RHOJ: variants seen among roughly 807,000 people sequenced by gnomAD.
RHOJ encodes ras homolog family member J, also known as rho-related GTP-binding protein RhoJ.
A neutral mutation model predicts 23.4 loss-of-function variants in RHOJ; 11 were observed. The ratio of observed to expected loss-of-function variants is 0.47; its 90% CI spans 0.30 to 0.78. RHOJ has a LOEUF of 0.78. Among genes scored for constraint, RHOJ ranks in the 30% least tolerant of loss-of-function variants. RHOJ has a pLI of 0.08. For missense variants in RHOJ, 254 were observed against 273.4 expected (o/e 0.93, Z 0.50); for synonymous variants, 102 against 102.7 (o/e 0.99, Z 0.04).
In RHOJ at chr14:63,204,948, G is replaced by C. The variant is rs890824438; in HGVS notation, c.79G>C (p.Val27Leu). Reference protein sequence around the residue: ...DEKKMLKCVVVGDGAVGKTCL... With the variant: ...DEKKMLKCVVLGDGAVGKTCL... ...GAAGAAGATGTTGAAGTGTGTGGTG[G>C]TGGGGGACGGTGCCGTGGGGAAAAC... Residue 27 changes from valine to leucine, a missense_variant, in exon 1 of 5, where the codon GTG becomes CTG. Physicochemically the swap from Val to Leu is conservative, Grantham distance 32 (BLOSUM62 1). Transcript: ENST00000316754. 21 of 1,614,120 alleles carry C rather than the reference G, an allele frequency of 1.3e-5. No homozygotes were observed. The Admixed American group carries it at 3.2e-4, about 24-fold the overall frequency.
rs138226386 is a variant in RHOJ at position 63,252,055 on chromosome 14, C to T, written c.179-17055C>T. Among the ~76,000 whole-genome samples the T allele has an allele frequency of 1.8e-4, 28 of 152,240 alleles. 1 individual carries two copies. The East Asian group carries it at 3.7e-3, about 20-fold the overall frequency. On this transcript the variant is annotated intron_variant, in intron 1 of 4. Coordinates refer to ENST00000316754, the MANE Select transcript of RHOJ (RefSeq NM_020663.5). ...GAGCCGAGATCACGCCACTGTACTCCAGCCTGGGCAACAGAGAGAAACTCT... is the reference window on the plus strand; with the variant it reads ...GAGCCGAGATCACGCCACTGTACTCTAGCCTGGGCAACAGAGAGAAACTCT...
At chr14:63,235,424 T>A (rs1894771590) in intron 1 of RHOJ, among the ~76,000 whole-genome samples, 1 of 152,168 alleles carries the variant, frequency 6.6e-6, no homozygotes. Flanking sequence ...AGTGCTACTG[T>A]GGTTATCTAA....
chr14:63,263,032 G>A (rs1449908188), intron 1 of RHOJ, among the ~76,000 whole-genome samples: 7 of 152,132 alleles, frequency 4.6e-5, no homozygotes, highest in African/African-American at 7.2e-5. Flanking sequence ...AATAACAGTC[G>A]TTTAGTACCC....
intron 2 of RHOJ, among the ~76,000 whole-genome samples, chr14:63,275,117 G>A (rs1372807120): frequency 6.6e-6 from 1 of 152,042 alleles, no homozygotes; most frequent in East Asian, 1.9e-4. Flanking sequence ...ATAAGAATTT[G>A]CACTTTAGCC....
chr14:63,272,485 C>T (rs1187541975), intron 2 of RHOJ, among the ~76,000 whole-genome samples: 5 of 152,140 alleles, frequency 3.3e-5, no homozygotes, highest in South Asian at 2.1e-4. Context: ...GATTTTTGTG[C>T]GTGAATAAAC....
chr14:63,282,286 GCACACACACACACACACACACACA>G (rs36227581), intron 3 of RHOJ, among the ~76,000 whole-genome samples: 11 of 133,296 alleles, frequency 8.3e-5, no homozygotes, highest in African/African-American at 2.9e-4. Flanking sequence ...ACAAACACAT[GCACACACACACACACACACACACA>G]CACACACACA....
rs143870649 is a variant in RHOJ, at chr14:63,229,491, C to CT, written c.178+24454dup. Among the ~76,000 whole-genome samples the CT allele has an allele frequency of 8.2e-3, 1,224 of 148,558 alleles. 29 individuals carry two copies. In the East Asian group the frequency reaches 0.11, roughly 13 times the overall value. On this transcript the variant is annotated intron_variant, in intron 1 of 4. Coordinates refer to ENST00000316754, the MANE Select transcript of RHOJ (RefSeq NM_020663.5). ...AGAAGAATCTGCTTCTAAGCTTATT[C>CT]TTTTTTTTTTGCAGAATTCATTTCC... is the stretch of plus-strand genomic sequence containing the variant.
rs562974966 is a variant in RHOJ, at chr14:63,237,116, G to A, written c.179-31994G>A. 6.6e-5 allele frequency among the ~76,000 whole-genome samples: 10 copies of A among 152,188 alleles called. No individual in the cohort carries two copies. The East Asian group carries it at 1.9e-3, about 29-fold the overall frequency. On this transcript the variant is annotated intron_variant, in intron 1 of 4. Transcript: ENST00000316754. ...GGATGCAGAACCCAAAGATATGGAG[G>A]GCTAACCTACTGTGCAGAACTTTAA...
chr14:63,289,395 T>A (rs1882178759), intron 4 of RHOJ, among the ~76,000 whole-genome samples: 2 of 152,244 alleles, frequency 1.3e-5, no homozygotes, highest in Admixed American at 1.3e-4. Flanking sequence ...ACATAAGCTA[T>A]TGGGCATAAT....
intron 1 of RHOJ, among the ~76,000 whole-genome samples, chr14:63,218,513 T>C (rs1484709045): frequency 1.3e-5 from 2 of 152,210 alleles, no homozygotes; most frequent in Non-Finnish European, 2.9e-5. Context: ...TAATAGATAG[T>C]CTAGTTTTAC....
chr14:63,273,849 A>G (rs920588997), intron 2 of RHOJ, among the ~76,000 whole-genome samples: 1 of 152,174 alleles, frequency 6.6e-6, no homozygotes. Context: ...AGCCAGGTGC[A>G]GCCTGGCCAG....
At chr14:63,208,040 T>C (rs575136513) in intron 1 of RHOJ, among the ~76,000 whole-genome samples, 30 of 152,318 alleles carry the variant, frequency 2.0e-4, no homozygotes, top group Non-Finnish European at 3.4e-4. Flanking sequence ...GGATGGAGTG[T>C]ATGTATTTTC....
intron 1 of RHOJ, among the ~76,000 whole-genome samples, chr14:63,245,230 C>G (rs1231386508): frequency 6.6e-6 from 1 of 152,002 alleles, no homozygotes; most frequent in Admixed American, 6.6e-5. Context: ...CTGAGCATTA[C>G]TACATTTTAG....
At chr14:63,223,846 A>C (rs1413206678) in intron 1 of RHOJ, among the ~76,000 whole-genome samples, 1 of 152,186 alleles carries the variant, frequency 6.6e-6, no homozygotes, top group East Asian at 1.9e-4. Flanking sequence ...AAAGCTCTTT[A>C]AAAGTTTTTA....
intron 2 of RHOJ, among the ~76,000 whole-genome samples, chr14:63,280,133 C>A (rs1287802469): frequency 1.3e-5 from 2 of 152,164 alleles, no homozygotes; most frequent in African/African-American, 4.8e-5. Flanking sequence ...AAGCCATCCT[C>A]CCACTTCAGC....
At position 63,283,164 on chromosome 14, in the gene RHOJ, A is replaced by G. The variant is rs770375568; in HGVS notation, c.446A>G (p.Tyr149Cys). The change falls in exon 4 of 5, where the codon TAT (tyrosine) becomes TGT (cysteine). Residue 149 changes from tyrosine (Y) to cysteine (C), a missense_variant. Physicochemically the swap from Tyr to Cys is radical, Grantham distance 194. Transcript: ENST00000316754. ...DDPKTLARLL[Y>C]MKEKPLTYEH... Reference sequence around the variant, plus strand: ...CCAAAAACCTTGGCCCGTTTGCTGTATATGAAAGAGAAACCTCTCACTTAC... The same window carrying G: ...CCAAAAACCTTGGCCCGTTTGCTGTGTATGAAAGAGAAACCTCTCACTTAC... 2 of 1,614,162 alleles carry G rather than the reference A, an allele frequency of 1.2e-6. No homozygotes were observed. The highest frequency in any genetic ancestry group is 1.7e-5 in the Admixed American group (1 of 60,022).
chr14:63,230,187 T>TA (rs200357872), intron 1 of RHOJ, among the ~76,000 whole-genome samples: 146 of 146,970 alleles, frequency 9.9e-4, no homozygotes, highest in East Asian at 2.8e-3. Flanking sequence ...CAAAAAACGT[T>TA]AAAAAAAAAA....
chr14:63,252,887 A>G (rs952284845), intron 1 of RHOJ, among the ~76,000 whole-genome samples: 9 of 152,182 alleles, frequency 5.9e-5, no homozygotes, highest in African/African-American at 2.4e-5. Context: ...AACTGGGACT[A>G]CAGGCATGAG....
intron 1 of RHOJ, among the ~76,000 whole-genome samples, chr14:63,250,762 G>A (rs1225669732): frequency 6.6e-6 from 1 of 152,118 alleles, no homozygotes; most frequent in African/African-American, 2.4e-5. Flanking sequence ...GGCTGGGTGC[G>A]GTGGCTCACA....
Sources: allele counts gnomAD v4.1 joint callset (sites outside exome capture counted in the v4.1 genomes callset), GRCh38; gene constraint gnomAD v4.1.1; transcripts MANE v1.5; gene names NCBI Gene and HGNC (gene_info 2026-07-23, HGNC 2026-07-21).